Variants in MACROD2 observed in about 807,000 individuals in gnomAD.
MACROD2 encodes mono-ADP ribosylhydrolase 2.
MACROD2 carries 36 observed loss-of-function variants against 70.4 expected under a neutral mutation model. That is an observed-to-expected ratio of 0.51 (90% CI 0.39 to 0.68). The LOEUF (loss-of-function observed/expected upper bound fraction) is 0.68, where lower values mean the gene tolerates loss of function less well. MACROD2 is among the 30% of genes least tolerant of loss of function. The pLI, the probability that MACROD2 is intolerant of heterozygous loss-of-function variation, is 0.00. For synonymous variants in MACROD2, 172 were observed against 178.8 expected (o/e 0.96, Z 0.30); for missense variants, 496 against 538.4 (o/e 0.92, Z 0.78).
At chr20:15,724,285 C>A (rs1411543866) in intron 8 of MACROD2, among the ~76,000 whole-genome samples, 1 of 152,070 alleles carries the variant, frequency 6.6e-6, no homozygotes, top group East Asian at 1.9e-4. Flanking sequence ...TGAAGTTTAG[C>A]TTATCAATTA....
chr20:14,119,216 G>A lies in MACROD2; in HGVS notation c.271+33488G>A, dbSNP rs537313169. On this transcript the variant is annotated intron_variant, in intron 3 of 17. Coordinates refer to ENST00000684519, the MANE Select transcript of MACROD2 (RefSeq NM_001351661.2). Reference sequence around the variant, plus strand: ...AAGTTTCACTCTTGTTACCTGGGCCGGAGTTCAGTAATGCGATCTTGGCTC... The same window carrying A: ...AAGTTTCACTCTTGTTACCTGGGCCAGAGTTCAGTAATGCGATCTTGGCTC... Among the ~76,000 whole-genome samples, 130 of 130,614 alleles carry A rather than the reference G, an allele frequency of 1.0e-3. No homozygotes were observed. The Middle Eastern group carries it at 0.041, about 41-fold the overall frequency. The allele number at this position is 130,614 out of a possible 152,430, so 85.7% of individuals were successfully genotyped here.
At chr20:14,310,005 G>A (rs917644870) in intron 3 of MACROD2, among the ~76,000 whole-genome samples, 4 of 152,044 alleles carry the variant, frequency 2.6e-5, no homozygotes, top group South Asian at 2.1e-4. Context: ...TATGGGGTAC[G>A]TGTGTGGTGT....
chr20:14,228,621 A>G (rs1569216342), intron 3 of MACROD2, among the ~76,000 whole-genome samples: 1 of 152,208 alleles, frequency 6.6e-6, no homozygotes, highest in East Asian at 1.9e-4. Context: ...AATATTATGT[A>G]TGTATCCATG....
intron 15 of MACROD2, among the ~76,000 whole-genome samples, chr20:16,007,906 C>T (rs944963934): frequency 6.6e-6 from 1 of 152,156 alleles, no homozygotes; most frequent in Non-Finnish European, 1.5e-5. Flanking sequence ...AATCACCCAA[C>T]TTTATATAAG....
chr20:14,782,016 C>T (rs745996957), intron 5 of MACROD2, among the ~76,000 whole-genome samples: 6 of 151,824 alleles, frequency 4.0e-5, no homozygotes, highest in Admixed American at 6.6e-5. Context: ...CTCCGCCTCC[C>T]GGGTTCAAGT....
chr20:15,886,784 G>C (rs4814410), intron 10 of MACROD2, among the ~76,000 whole-genome samples: 143,060 of 152,200 alleles, frequency 0.94, 67,631 homozygotes, highest in East Asian at 1. Context: ...TCTATAAGCT[G>C]AGTTTACAAT....
chr20:15,138,564 A>G (rs2076168466), intron 5 of MACROD2, among the ~76,000 whole-genome samples: 1 of 152,180 alleles, frequency 6.6e-6, no homozygotes, highest in South Asian at 2.1e-4. Context: ...GTCTAAAAGA[A>G]ATGGTTTAAT....
intron 6 of MACROD2, among the ~76,000 whole-genome samples, chr20:15,339,247 T>A (rs2078081554): frequency 6.6e-6 from 1 of 151,906 alleles, no homozygotes; most frequent in Non-Finnish European, 1.5e-5. Flanking sequence ...ATAGTGTTAA[T>A]AGAATTTTAT....
chr20:14,887,879 C>T (rs564451688), intron 5 of MACROD2, among the ~76,000 whole-genome samples: 1 of 144,954 alleles, frequency 6.9e-6, no homozygotes, highest in East Asian at 2.0e-4. Flanking sequence ...AAAAAAAAAA[C>T]CTGTGTTCAG....
chr20:15,289,334 AG>A (rs2146103896), intron 6 of MACROD2, among the ~76,000 whole-genome samples: 1 of 152,326 alleles, frequency 6.6e-6, no homozygotes, highest in Admixed American at 6.5e-5. Flanking sequence ...ACGAGCTTCT[AG>A]GAATTTAAAT....
intron 6 of MACROD2, among the ~76,000 whole-genome samples, chr20:15,348,623 A>C (rs180824800): frequency 9.2e-5 from 14 of 152,318 alleles, no homozygotes; most frequent in Admixed American, 2.0e-4. Flanking sequence ...GAGGCCTCAC[A>C]ATCATGGCGG....
At chr20:14,924,459 A>G (rs1056830098) in intron 5 of MACROD2, among the ~76,000 whole-genome samples, 4 of 152,020 alleles carry the variant, frequency 2.6e-5, no homozygotes, top group Admixed American at 2.6e-4. Flanking sequence ...AATAAAAAAT[A>G]AAAAATAAAA....
At chr20:15,776,361 T>A (rs1479884197) in intron 8 of MACROD2, among the ~76,000 whole-genome samples, 2 of 152,132 alleles carry the variant, frequency 1.3e-5, no homozygotes, top group African/African-American at 4.8e-5. Context: ...CCCAAAATAT[T>A]CTCCAGAGTG....
chr20:14,786,616 G>A (rs959626781), intron 5 of MACROD2, among the ~76,000 whole-genome samples: 5 of 151,920 alleles, frequency 3.3e-5, no homozygotes, highest in African/African-American at 1.2e-4. Context: ...GTGGAGACTA[G>A]GAGGTCCAAG....
At chr20:15,739,958 T>C (rs1445486919) in intron 8 of MACROD2, among the ~76,000 whole-genome samples, 1 of 152,196 alleles carries the variant, frequency 6.6e-6, no homozygotes, top group African/African-American at 2.4e-5. Context: ...AAACATTCAG[T>C]TTCTCTATTA....
chr20:16,035,422 G>A (rs904180968), intron 15 of MACROD2, among the ~76,000 whole-genome samples: 1 of 151,358 alleles, frequency 6.6e-6, no homozygotes, highest in Admixed American at 6.6e-5. Flanking sequence ...GCCTGTTAAG[G>A]GACTTCTCCT....
chr20:14,090,497 C>T lies in MACROD2; in HGVS notation c.271+4769C>T, dbSNP rs140607942. On this transcript the variant is annotated intron_variant, in intron 3 of 17. Transcript: ENST00000684519. ...CTGAGGCAGGAGAATCGCTTGAACCCGGGAGGTGGAGGTTGCAATGAGCCG... is the reference window on the plus strand; with the variant it reads ...CTGAGGCAGGAGAATCGCTTGAACCTGGGAGGTGGAGGTTGCAATGAGCCG... 1.4e-3 allele frequency among the ~76,000 whole-genome samples: 206 copies of T among 151,430 alleles called. 2 individuals carry two copies. Among genetic ancestry groups the T allele is most frequent in the African/African-American group, 4.7e-3 (195 of 41,214 alleles).
intron 4 of MACROD2, among the ~76,000 whole-genome samples, chr20:14,605,081 AG>A (rs761669475): frequency 1.3e-5 from 2 of 152,186 alleles, no homozygotes; most frequent in Non-Finnish European, 2.9e-5. Context: ...CTTCAATTCT[AG>A]GTAGAAAGAT....
chr20:15,855,369 C>A (rs2064345293), intron 8 of MACROD2, among the ~76,000 whole-genome samples: 1 of 152,118 alleles, frequency 6.6e-6, no homozygotes, highest in African/African-American at 2.4e-5. Context: ...TCCTTTATGC[C>A]TCGATGGGTG....
Sources: gnomAD v4.1 joint callset for allele counts (sites outside exome capture counted in the v4.1 genomes callset) on GRCh38, gnomAD v4.1.1 for gene constraint, MANE v1.5 for transcripts, NCBI Gene and HGNC (gene_info 2026-07-23, HGNC 2026-07-21) for gene names.